NRG1: variants seen among roughly 807,000 people sequenced by gnomAD.
NRG1 encodes pro-neuregulin-1, membrane-bound isoform.
NRG1 carries 18 observed loss-of-function variants against 63.8 expected under a neutral mutation model. The ratio of observed to expected loss-of-function variants is 0.28; its 90% CI spans 0.19 to 0.42. The LOEUF (loss-of-function observed/expected upper bound fraction) is 0.42. NRG1 is among the 10% of genes least tolerant of loss of function. NRG1 has a pLI of 1.00. For synonymous variants in NRG1, 302 were observed against 301.3 expected, an observed-to-expected ratio of 1.00 and a Z score of -0.02; for missense variants, 762 against 814.7, an observed-to-expected ratio of 0.94 and a Z score of 0.79.
At chr8:31,684,063 C>A (rs773473613) in intron 1 of NRG1, among the ~76,000 whole-genome samples, 1 of 152,140 alleles carries the variant, frequency 6.6e-6, no homozygotes, top group Non-Finnish European at 1.5e-5. Flanking sequence ...CTGGTTTTAG[C>A]TGATGGTTTT....
rs34909373 is a variant in NRG1 at position 32,239,277 on chromosome 8, TAA to T, written c.38-356540_38-356539del. ...AATTCAATGGAGGAAAGATGAGCTT[TAA>T]AAAAAAAAAAGTGATACTGGAGCAA... On this transcript the variant is annotated intron_variant, in intron 1 of 10. Coordinates refer to the NRG1 transcript ENST00000519301. 7.7e-3 allele frequency among the ~76,000 whole-genome samples: 1,117 copies of T among 144,392 alleles called. 9 individuals are homozygous for T. The highest frequency in any genetic ancestry group is 0.019 in the African/African-American group (731 of 39,476). The allele number at this position is 144,392 out of a possible 152,430, so 94.7% of individuals were successfully genotyped here. A position where few individuals can be genotyped will look rare whatever the true frequency, so the allele number is the denominator to read the frequency against.
At chr8:32,072,986 T>C (rs1300245380) in intron 1 of NRG1, among the ~76,000 whole-genome samples, 1 of 138,344 alleles carries the variant, frequency 7.2e-6, no homozygotes, top group East Asian at 2.2e-4. Flanking sequence ...GTCCTAAATA[T>C]AGTGTCTGGC....
intron 9 of NRG1, among the ~76,000 whole-genome samples, chr8:32,757,525 A>G (rs967769547): frequency 6.6e-6 from 1 of 152,198 alleles, no homozygotes; most frequent in Non-Finnish European, 1.5e-5. Context: ...AAAACCTTCA[A>G]AACTTTGTTG....
At chr8:31,872,110 C>T (rs1321166777) in intron 1 of NRG1, among the ~76,000 whole-genome samples, 1 of 152,164 alleles carries the variant, frequency 6.6e-6, no homozygotes, top group Non-Finnish European at 1.5e-5. Flanking sequence ...TGTAATTGCT[C>T]ACTCAGTAGC....
chr8:32,151,793 T>C (rs542268542), intron 1 of NRG1, among the ~76,000 whole-genome samples: 1 of 152,268 alleles, frequency 6.6e-6, no homozygotes, highest in Admixed American at 6.5e-5. Context: ...ATATTCTACC[T>C]ATGAGGCGCA....
At chr8:32,754,316 T>C in intron 7 of NRG1, 56 bp from the exon 8 acceptor site, 1 of 1,487,386 alleles carries the variant, frequency 6.7e-7, no homozygotes, top group South Asian at 1.2e-5. Flanking sequence ...TTGGTTGTAG[T>C]CAGTCCTGGC....
At chr8:32,244,704 A>T (rs1239228628) in intron 1 of NRG1, among the ~76,000 whole-genome samples, 1 of 152,170 alleles carries the variant, frequency 6.6e-6, no homozygotes, top group Non-Finnish European at 1.5e-5. Flanking sequence ...ATCATCAGAA[A>T]CCTGAGTAAG....
At chr8:31,819,540 A>C (rs1259323052) in intron 1 of NRG1, among the ~76,000 whole-genome samples, 1 of 152,142 alleles carries the variant, frequency 6.6e-6, no homozygotes, top group Non-Finnish European at 1.5e-5. Flanking sequence ...CTTTTCCCAA[A>C]CTTTTACATA....
At chr8:32,676,758 G>A (rs1294820694) in intron 5 of NRG1, among the ~76,000 whole-genome samples, 1 of 152,122 alleles carries the variant, frequency 6.6e-6, no homozygotes, top group Non-Finnish European at 1.5e-5. Flanking sequence ...TTCGTAGTCA[G>A]TGCAGTCATC....
At chr8:32,398,262 C>A (rs1277829771) in intron 1 of NRG1, among the ~76,000 whole-genome samples, 2 of 152,162 alleles carry the variant, frequency 1.3e-5, no homozygotes, top group African/African-American at 2.4e-5. Flanking sequence ...TACAGCGCAG[C>A]CTTCCACGGC....
chr8:32,302,112 CA>C (rs1256606034), intron 1 of NRG1, among the ~76,000 whole-genome samples: 2 of 152,016 alleles, frequency 1.3e-5, no homozygotes, highest in African/African-American at 4.8e-5. Context: ...TAAAACAAGC[CA>C]AGATGGATTA....
At position 32,290,647 on chromosome 8, in the gene NRG1, G is replaced by A. The variant is rs137958377; in HGVS notation, c.38-305181G>A. ...AAGTGATGTCACAGACCATATTCAC[G>A]ATATCGAAGCTACACATTACTAAAC... On this transcript the variant is annotated intron_variant, in intron 1 of 10. Coordinates refer to the NRG1 transcript ENST00000519301. 1.6e-4 allele frequency among the ~76,000 whole-genome samples: 25 copies of A among 152,184 alleles called. 1 individual carries two copies. In the East Asian group the frequency reaches 3.9e-3, roughly 24 times the overall value.
intron 9 of NRG1, 119 bp downstream of exon 9, chr8:32,756,648 A>G: frequency 7.3e-7 from 1 of 1,368,998 alleles, no homozygotes; most frequent in Non-Finnish European, 9.7e-7. Flanking sequence ...CATGGCTTCC[A>G]GGAATCCAGG....
intron 1 of NRG1, among the ~76,000 whole-genome samples, chr8:31,909,676 T>A (rs1832785665): frequency 6.6e-6 from 1 of 152,160 alleles, no homozygotes; most frequent in Admixed American, 6.6e-5. Flanking sequence ...TGGCTGTTTC[T>A]ATAAACACTG....
chr8:31,789,089 A>G (rs1820447763), intron 1 of NRG1, among the ~76,000 whole-genome samples: 1 of 152,206 alleles, frequency 6.6e-6, no homozygotes. Flanking sequence ...TAATACTCGC[A>G]TTTCCACCTT....
chr8:31,988,013 G>T (rs186734443), intron 1 of NRG1, among the ~76,000 whole-genome samples: 4 of 152,058 alleles, frequency 2.6e-5, no homozygotes, highest in Admixed American at 6.6e-5. Flanking sequence ...TTTCATTTCG[G>T]TGCTTGTTCG....
chr8:32,335,212 T>C (rs961148285), intron 1 of NRG1, among the ~76,000 whole-genome samples: 1 of 152,152 alleles, frequency 6.6e-6, no homozygotes, highest in Non-Finnish European at 1.5e-5. Context: ...TAACTGAAAA[T>C]TTACAATTAC....
chr8:32,103,572 A>G (rs1830853214), intron 1 of NRG1, among the ~76,000 whole-genome samples: 1 of 152,170 alleles, frequency 6.6e-6, no homozygotes, highest in African/African-American at 2.4e-5. Flanking sequence ...GCTGGATCAT[A>G]TGGTAGCTCT....
rs547068863 is a variant in NRG1, at chr8:32,460,858, A to G, written c.38-134970A>G. Among the ~76,000 whole-genome samples the G allele has an allele frequency of 2.4e-4, 37 of 152,290 alleles. No homozygotes were observed. The South Asian group carries it at 7.2e-3, about 30-fold the overall frequency. On this transcript the variant is annotated intron_variant, in intron 1 of 10. Transcript: ENST00000519301. ...CTTATCTAAGAAATAAAGAAAAGCC[A>G]ACCACTCGTTCTATCCACAGAAGAA...
Sources: allele counts gnomAD v4.1 joint callset (sites outside exome capture counted in the v4.1 genomes callset), GRCh38; gene constraint gnomAD v4.1.1; transcripts MANE v1.5; gene names NCBI Gene and HGNC (gene_info 2026-07-23, HGNC 2026-07-21).